The following EYS variants were observed in gnomAD, a reference collection of about 807,000 sequenced individuals.
EYS encodes protein eyes shut homolog.
EYS carries 250 observed loss-of-function variants against 282.1 expected under a neutral mutation model. The ratio of observed to expected loss-of-function variants is 0.89; its 90% confidence interval spans 0.80 to 0.98. The LOEUF (loss-of-function observed/expected upper bound fraction) is 0.98. Ranked by LOEUF, EYS falls within the 50% of genes least tolerant of loss-of-function variation. The probability of loss-of-function intolerance (pLI) is 0.00; values close to 1 mark genes in which losing one functional copy is unlikely to be tolerated. For synonymous variants in EYS, 1,355 were observed against 1,282.9 expected (o/e 1.06, Z -1.20); for missense variants, 4,016 against 3,709.0 (o/e 1.08, Z -2.15).
In EYS at chr6:64,086,283, C is replaced by CT. The variant is rs200851098; in HGVS notation, c.6425-4282dup. Among the ~76,000 whole-genome samples, 538 of 152,308 alleles carry CT rather than the reference C, an allele frequency of 3.5e-3. 4 individuals carry two copies. Among genetic ancestry groups the CT allele is most frequent in the African/African-American group, 0.012 (487 of 41,572 alleles). ...TGTCTTTCCTTCTGCTACCACAACC[C>CT]TTTAAGTTCTCATTGTTTCAACTGA... On this transcript the variant is annotated intron_variant, in intron 31 of 42. Transcript: ENST00000503581.
chr6:63,817,217 T>G (rs925982844), intron 36 of EYS, among the ~76,000 whole-genome samples: 1 of 152,184 alleles, frequency 6.6e-6, no homozygotes, highest in African/African-American at 2.4e-5. Context: ...CCACAAGAGA[T>G]AGTCAAAAGG....
At chr6:64,498,378 T>C (rs1019596628) in intron 26 of EYS, among the ~76,000 whole-genome samples, 2 of 152,162 alleles carry the variant, frequency 1.3e-5, no homozygotes, top group African/African-American at 2.4e-5. Context: ...TCTACTGGTA[T>C]GTAGATTGAT....
intron 33 of EYS, among the ~76,000 whole-genome samples, chr6:64,052,491 T>A (rs908550010): frequency 6.6e-6 from 1 of 152,190 alleles, no homozygotes; most frequent in African/African-American, 2.4e-5. Flanking sequence ...CCTGCATTTA[T>A]GGAATTTGTC....
At chr6:65,321,381 T>G (rs1277047933) in intron 11 of EYS, among the ~76,000 whole-genome samples, 1 of 151,760 alleles carries the variant, frequency 6.6e-6, no homozygotes, top group Non-Finnish European at 1.5e-5. Context: ...AAAAAAGAGT[T>G]GGAAAGATTT....
At chr6:64,249,865 A>G (rs1343914814) in intron 30 of EYS, among the ~76,000 whole-genome samples, 2 of 152,230 alleles carry the variant, frequency 1.3e-5, no homozygotes, top group African/African-American at 2.4e-5. Context: ...CCCAAACACA[A>G]TTGGAAGTCA....
intron 41 of EYS, among the ~76,000 whole-genome samples, chr6:63,727,895 C>T (rs1288178168): frequency 1.4e-5 from 2 of 147,262 alleles, no homozygotes; most frequent in Non-Finnish European, 3.0e-5. Context: ...CACTGCACTC[C>T]AGCTTGGGCG....
chr6:64,928,229 A>G (rs1768581923), intron 15 of EYS, among the ~76,000 whole-genome samples: 1 of 152,266 alleles, frequency 6.6e-6, no homozygotes. Context: ...TTCAAAACAT[A>G]AGAAAAATGC....
intron 36 of EYS, among the ~76,000 whole-genome samples, chr6:63,828,167 A>T (rs1771527415): frequency 1.3e-5 from 2 of 152,316 alleles, no homozygotes; most frequent in South Asian, 4.1e-4. Context: ...GTTACACCTC[A>T]AGGAAATAGA....
At chr6:65,310,588 G>A (rs143341141) in intron 11 of EYS, among the ~76,000 whole-genome samples, 29 of 152,208 alleles carry the variant, frequency 1.9e-4, no homozygotes, top group South Asian at 4.2e-4. Context: ...ATGTGACCTT[G>A]TCGTGTCTAC....
chr6:64,184,048 C>T (rs1246270300), intron 31 of EYS, among the ~76,000 whole-genome samples: 2 of 152,098 alleles, frequency 1.3e-5, no homozygotes, highest in Non-Finnish European at 1.5e-5. Context: ...CCCTGAGCGC[C>T]TCATTTAAAA....
At chr6:64,587,323 G>A (rs1766264031) in intron 26 of EYS, among the ~76,000 whole-genome samples, 1 of 151,900 alleles carries the variant, frequency 6.6e-6, no homozygotes, top group Non-Finnish European at 1.5e-5. Context: ...GCACTCAGTG[G>A]TCTACTTTGG....
Position 64,469,971 on chromosome 6 carries a change from CCTCT to C in EYS, c.5645-30623_5645-30620del, listed in dbSNP as rs532083106. Among the ~76,000 whole-genome samples, 27 of 151,444 alleles carry C rather than the reference CCTCT, an allele frequency of 1.8e-4. No individual in the cohort carries two copies. In the South Asian group the frequency reaches 2.5e-3, roughly 14 times the overall value. On this transcript the variant is annotated intron_variant, in intron 26 of 42. Transcript: ENST00000503581. Reference sequence around the variant, plus strand: ...ATGCTGTAAGCTGTTTCTCTCTCTCCCTCTCTCTCTCTGCCTTGGCTGCCAGGCA... The same window carrying C: ...ATGCTGTAAGCTGTTTCTCTCTCTCCCTCTCTCTGCCTTGGCTGCCAGGCA...
Position 63,807,836 on chromosome 6 carries a change from T to C in EYS, c.7229-1464A>G, listed in dbSNP as rs148046820. Among the ~76,000 whole-genome samples the C allele has an allele frequency of 3.3e-3, 499 of 152,252 alleles. 3 individuals are homozygous for C. Among genetic ancestry groups the C allele is most frequent in the African/African-American group, 0.011 (458 of 41,558 alleles). The stretch of plus-strand genomic sequence containing the variant: ...AGGTATATCACTTTCAGTAGTACTA[T>C]GGGGAGGGTGATTGAGGGAAATGAA... On this transcript the variant is annotated intron_variant, in intron 36 of 42. Coordinates refer to ENST00000503581, the MANE Select transcript of EYS (RefSeq NM_001142800.2).
rs1554157088 is a variant in EYS, at chr6:65,123,758, C to CCCCACA, written c.2024-66032_2024-66031insTGTGGG. ...CAGCTGACTTATAACACCCACCCAC[C>CCCCACA]CACACACACACACACACACACACAC... On this transcript the variant is annotated intron_variant, in intron 12 of 42. Coordinates refer to ENST00000503581, the MANE Select transcript of EYS (RefSeq NM_001142800.2). Among the ~76,000 whole-genome samples the CCCCACA allele has an allele frequency of 4.2e-3, 623 of 147,096 alleles. 3 individuals are homozygous for CCCCACA. The highest frequency in any genetic ancestry group is 0.015 in the African/African-American group (592 of 40,128).
intron 29 of EYS, among the ~76,000 whole-genome samples, chr6:64,379,099 A>G (rs1038441205): frequency 6.6e-6 from 1 of 152,102 alleles, no homozygotes; most frequent in Non-Finnish European, 1.5e-5. Context: ...CATGCTTCAC[A>G]TATTTTTTTC....
chr6:63,756,139 G>T (rs1256875110), intron 41 of EYS, among the ~76,000 whole-genome samples: 1 of 152,076 alleles, frequency 6.6e-6, no homozygotes, highest in East Asian at 1.9e-4. Flanking sequence ...TTGCCTGATT[G>T]CCCTGGCCAG....
At chr6:64,899,131 G>A (rs549247899) in intron 18 of EYS, among the ~76,000 whole-genome samples, 1 of 151,976 alleles carries the variant, frequency 6.6e-6, no homozygotes, top group South Asian at 2.1e-4. Context: ...CAGAACTCTC[G>A]ACCCCAAATC....
intron 26 of EYS, among the ~76,000 whole-genome samples, chr6:64,502,023 T>C (rs1003813466): frequency 1.3e-5 from 2 of 152,172 alleles, no homozygotes; most frequent in African/African-American, 4.8e-5. Flanking sequence ...ACCGATCTCA[T>C]AGGGCTGTCA....
intron 5 of EYS, among the ~76,000 whole-genome samples, chr6:65,466,359 A>G (rs1764998840): frequency 6.6e-6 from 1 of 152,158 alleles, no homozygotes; most frequent in Non-Finnish European, 1.5e-5. Context: ...CATTAAGCAA[A>G]TGAGTCGAAA....
Sources: allele counts gnomAD v4.1 joint callset (sites outside exome capture counted in the v4.1 genomes callset), GRCh38; gene constraint gnomAD v4.1.1; transcripts MANE v1.5; gene names NCBI Gene and HGNC (gene_info 2026-07-23, HGNC 2026-07-21).